MAML3: variants seen among roughly 807,000 people sequenced by gnomAD.
The protein encoded by MAML3 is mastermind like transcriptional coactivator 3.
In MAML3, 27 loss-of-function variants were observed where a neutral mutation model predicts 101.9. The observed-to-expected ratio is 0.27, with a 90% CI of 0.20 to 0.37. The LOEUF (loss-of-function observed/expected upper bound fraction) is 0.37, where lower values mean the gene tolerates loss of function less well. Ranked by LOEUF, MAML3 falls within the 10% of genes least tolerant of loss-of-function variation. The pLI, the probability that MAML3 is intolerant of heterozygous loss-of-function variation, is 1.00. For synonymous variants in MAML3, 501 were observed against 555.9 expected, an observed-to-expected ratio of 0.90 and a Z score of 1.39; for missense variants, 1,316 against 1,444.9, an observed-to-expected ratio of 0.91 and a Z score of 1.45.
intron 1 of MAML3, among the ~76,000 whole-genome samples, chr4:139,987,021 G>C (rs1734551637): frequency 6.6e-6 from 1 of 152,168 alleles, no homozygotes; most frequent in African/African-American, 2.4e-5. Context: ...CTATCAACCT[G>C]AGGGCTGCCG....
intron 3 of MAML3, among the ~76,000 whole-genome samples, chr4:139,726,479 A>G (rs984821340): frequency 2.6e-5 from 4 of 152,004 alleles, no homozygotes; most frequent in African/African-American, 9.7e-5. Flanking sequence ...GTGCTGAGGG[A>G]AGGGGTTTTG....
chr4:139,720,119 A>C lies in MAML3; in HGVS notation c.2621T>G (p.Met874Arg), dbSNP rs750205662. The change falls in exon 5 of 5, where the codon ATG becomes AGG. Residue 874 changes from methionine to arginine, a missense_variant. Met to Arg is a moderately conservative substitution (Grantham distance 91). Transcript: ENST00000509479. ...TPTSQPGMYN[M>R]STGMTQMLQH... ...CAACATTTGGGTCATGCCTGTGCTC[A>C]TATTGTACATTCCTGGTTGGCTGGT... 4.3e-6 allele frequency: 7 copies of C among 1,614,044 alleles called. No individual in the cohort carries two copies. Among genetic ancestry groups the C allele is most frequent in the South Asian group, 1.1e-5 (1 of 91,084 alleles).
intron 2 of MAML3, among the ~76,000 whole-genome samples, chr4:139,880,537 A>C (rs1250504613): frequency 5.3e-5 from 8 of 152,154 alleles, no homozygotes; most frequent in Admixed American, 5.2e-4. Context: ...TCCTTGAAGT[A>C]AGTCAGTATT....
rs576671662 is a variant in MAML3, at chr4:139,812,761, G to A, written c.2079+76596C>T. On this transcript the variant is annotated intron_variant, in intron 2 of 4. Transcript: ENST00000509479. ...GCTGGGTTTCAGGCCAATCACTGCC[G>A]CTTGAGAGTCCTTATGAAAACACAG... Among the ~76,000 whole-genome samples the A allele has an allele frequency of 2.6e-3, 398 of 152,222 alleles. 4 individuals carry two copies. The highest frequency in any genetic ancestry group is 1.7e-3 in the Non-Finnish European group (113 of 68,008).
At chr4:139,914,004 T>C (rs538174739) in intron 1 of MAML3, among the ~76,000 whole-genome samples, 10 of 150,938 alleles carry the variant, frequency 6.6e-5, no homozygotes, top group Non-Finnish European at 1.3e-4. Context: ...TACATTAAAA[T>C]TTTTTTTTTA....
chr4:139,978,724 CTT>C (rs893119079), intron 1 of MAML3, among the ~76,000 whole-genome samples: 2 of 151,988 alleles, frequency 1.3e-5, no homozygotes, highest in Admixed American at 6.6e-5. Context: ...ACTTGGGTCT[CTT>C]TGTCCCCCAT....
At chr4:139,729,700 A>T (rs1377316297) in intron 3 of MAML3, among the ~76,000 whole-genome samples, 1 of 152,236 alleles carries the variant, frequency 6.6e-6, no homozygotes, top group African/African-American at 2.4e-5. Flanking sequence ...CTCTAAAAAC[A>T]AAACAAATTG....
intron 1 of MAML3, among the ~76,000 whole-genome samples, chr4:139,972,731 A>G (rs771761935): frequency 2.2e-4 from 33 of 152,354 alleles, no homozygotes; most frequent in Non-Finnish European, 4.7e-4. Flanking sequence ...CTTTATGTAA[A>G]TTATACCTCA....
At chr4:139,917,453 C>A (rs1383307882) in intron 1 of MAML3, among the ~76,000 whole-genome samples, 3 of 152,082 alleles carry the variant, frequency 2.0e-5, no homozygotes. Flanking sequence ...CCCCAGAAAC[C>A]ATGTCAAGTG....
intron 2 of MAML3, among the ~76,000 whole-genome samples, chr4:139,878,464 T>C (rs145515740): frequency 1.3e-5 from 2 of 152,300 alleles, no homozygotes; most frequent in Non-Finnish European, 2.9e-5. Context: ...ATCATGACTT[T>C]GAGGAGTGAA....
intron 1 of MAML3, among the ~76,000 whole-genome samples, chr4:140,084,931 C>T (rs1578676908): frequency 6.6e-6 from 1 of 152,176 alleles, no homozygotes; most frequent in South Asian, 2.1e-4. Context: ...ACCTTAAAAA[C>T]ATCGGGGGGC....
intron 1 of MAML3, among the ~76,000 whole-genome samples, chr4:139,904,940 C>T (rs1014485808): frequency 3.3e-5 from 5 of 152,142 alleles, no homozygotes; most frequent in Admixed American, 6.6e-5. Context: ...AAAAATGTGG[C>T]GTTACAATCT....
chr4:139,752,928 C>T (rs1257317502), intron 2 of MAML3, among the ~76,000 whole-genome samples: 2 of 152,104 alleles, frequency 1.3e-5, no homozygotes, highest in African/African-American at 2.4e-5. Context: ...AATAGGATGG[C>T]GAGGTCTTTG....
intron 1 of MAML3, among the ~76,000 whole-genome samples, chr4:139,977,892 A>C (rs573400710): frequency 3.8e-4 from 57 of 151,600 alleles, no homozygotes; most frequent in African/African-American, 1.4e-3. Context: ...AAAAACAAAA[A>C]ACAAAAAAAA....
chr4:140,021,478 G>T (rs367649799), intron 1 of MAML3, among the ~76,000 whole-genome samples: 32 of 152,236 alleles, frequency 2.1e-4, no homozygotes, highest in East Asian at 1.4e-3. Context: ...TCCCTGCAAG[G>T]TTAATACTAT....
chr4:140,111,502 C>T (rs972493338), intron 1 of MAML3, among the ~76,000 whole-genome samples: 4 of 152,226 alleles, frequency 2.6e-5, no homozygotes, highest in African/African-American at 9.6e-5. Flanking sequence ...TATAACACTT[C>T]AATGAAGTAT....
Position 139,819,269 on chromosome 4 carries a change from C to G in MAML3, c.2079+70088G>C, listed in dbSNP as rs149976593. Among the ~76,000 whole-genome samples the G allele has an allele frequency of 9.1e-3, 1,380 of 152,112 alleles. 7 individuals are homozygous for G. The highest frequency in any genetic ancestry group is 0.017 in the African/African-American group (714 of 41,514). On this transcript the variant is annotated intron_variant, in intron 2 of 4. Coordinates refer to ENST00000509479, the MANE Select transcript of MAML3 (RefSeq NM_018717.5). ...AGCTTAATGGGCTGAGGTTCTGGCT[C>G]CCTGAAGTGTGTGGCTCACTCAAGA...
chr4:140,011,334 C>CCTG (rs1726556729), intron 1 of MAML3, among the ~76,000 whole-genome samples: 1 of 81,012 alleles, frequency 1.2e-5, no homozygotes, highest in Non-Finnish European at 3.0e-5. Flanking sequence ...TCAAGGTTTT[C>CCTG]TTGTTTTGTT....
At position 139,787,379 on chromosome 4, in the gene MAML3, G is replaced by T. The variant is rs572699362; in HGVS notation, c.2080-56712C>A. On this transcript the variant is annotated intron_variant, in intron 2 of 4. Coordinates refer to ENST00000509479, the MANE Select transcript of MAML3 (RefSeq NM_018717.5). ...TAAGTGTTGCCTTTTTATACCATGG[G>T]ACACTAGAACCAAGGAGGAAGTAGC... Among the ~76,000 whole-genome samples, 10 of 152,238 alleles carry T rather than the reference G, an allele frequency of 6.6e-5. No homozygotes were observed. In the South Asian group the frequency reaches 1.9e-3, roughly 28 times the overall value.
Sources: allele counts gnomAD v4.1 joint callset (sites outside exome capture counted in the v4.1 genomes callset), GRCh38; gene constraint gnomAD v4.1.1; transcripts MANE v1.5; gene names NCBI Gene and HGNC (gene_info 2026-07-23, HGNC 2026-07-21).